FER: variants seen among roughly 807,000 people sequenced by gnomAD.
FER encodes the protein tyrosine-protein kinase Fer.
Under a neutral mutation model 111.0 loss-of-function variants are expected in FER, and 63 were observed. The observed-to-expected ratio is 0.57, with a 90% CI of 0.46 to 0.70. The LOEUF is 0.70. Among genes scored for constraint, FER ranks in the 30% least tolerant of loss-of-function variants. The pLI is 0.00. For synonymous variants in FER, 327 were observed against 313.9 expected (o/e 1.04, Z -0.44); for missense variants, 914 against 954.0 (o/e 0.96, Z 0.55).
At chr5:108,901,238 C>CT (rs972353204) in intron 10 of FER, among the ~76,000 whole-genome samples, 14 of 149,112 alleles carry the variant, frequency 9.4e-5, no homozygotes, top group South Asian at 4.3e-4. Context: ...GAATTTCTTT[C>CT]TTTTTTTTTT....
At chr5:109,178,275 C>A (rs1393222664) in intron 17 of FER, among the ~76,000 whole-genome samples, 1 of 152,150 alleles carries the variant, frequency 6.6e-6, no homozygotes, top group Non-Finnish European at 1.5e-5. Flanking sequence ...AAGGAAGTAG[C>A]ATTTTCTGTA....
At chr5:109,036,881 A>G (rs1770482775) in intron 13 of FER, among the ~76,000 whole-genome samples, 1 of 151,972 alleles carries the variant, frequency 6.6e-6, no homozygotes, top group African/African-American at 2.4e-5. Flanking sequence ...TGATATTGTA[A>G]TTGGTGTTTG....
intron 13 of FER, among the ~76,000 whole-genome samples, chr5:108,962,295 C>G (rs1759249189): frequency 6.6e-6 from 1 of 152,162 alleles, no homozygotes; most frequent in Non-Finnish European, 1.5e-5. Flanking sequence ...CCGTTATCAT[C>G]ATTCTTACAT....
intron 10 of FER, among the ~76,000 whole-genome samples, chr5:108,910,333 C>G (rs574062407): frequency 5.3e-5 from 8 of 152,278 alleles, no homozygotes; most frequent in African/African-American, 1.9e-4. Flanking sequence ...AATTTCACAT[C>G]AGCCAGTCTG....
At chr5:109,183,344 G>T (rs1464635472) in intron 18 of FER, among the ~76,000 whole-genome samples, 1 of 148,308 alleles carries the variant, frequency 6.7e-6, no homozygotes, top group African/African-American at 2.5e-5. Context: ...TGCCTCCTGG[G>T]TTCAAGCAAT....
chr5:109,149,371 G>A lies in FER; in HGVS notation c.2049-31376G>A, dbSNP rs115764537. On this transcript the variant is annotated intron_variant, in intron 17 of 19. Transcript: ENST00000281092. ...TGAGACACCCTAAACTTCTCTGAGC[G>A]CCTACAGTCTGATCCCTTAGACCAG... Among the ~76,000 whole-genome samples the A allele has an allele frequency of 8.5e-3, 1,290 of 152,222 alleles. 15 individuals are homozygous for A. The highest frequency in any genetic ancestry group is 0.011 in the Non-Finnish European group (743 of 67,996).
At chr5:108,918,499 T>A (rs1417682696) in intron 10 of FER, among the ~76,000 whole-genome samples, 2 of 151,596 alleles carry the variant, frequency 1.3e-5, no homozygotes, top group Non-Finnish European at 2.9e-5. Context: ...TCTTTTTTTT[T>A]TTTTTGAGAT....
At chr5:109,178,491 C>T (rs773854378) in intron 17 of FER, among the ~76,000 whole-genome samples, 2 of 152,192 alleles carry the variant, frequency 1.3e-5, no homozygotes, top group African/African-American at 4.8e-5. Flanking sequence ...ATCCTATACA[C>T]GACTAAAGTG....
At chr5:109,080,582 G>A (rs1310969690) in intron 16 of FER, among the ~76,000 whole-genome samples, 1 of 152,004 alleles carries the variant, frequency 6.6e-6, no homozygotes, top group African/African-American at 2.4e-5. Context: ...AAGTTCTCTG[G>A]CAATCTGTAA....
At chr5:108,940,955 C>T (rs1379947456) in intron 10 of FER, among the ~76,000 whole-genome samples, 1 of 151,974 alleles carries the variant, frequency 6.6e-6, no homozygotes, top group Non-Finnish European at 1.5e-5. Flanking sequence ...GGGCAATGGC[C>T]CTTCAAAGAC....
At chr5:109,051,712 G>C (rs1772856656) in intron 16 of FER, 1 of 1,569,426 alleles carries the variant, frequency 6.4e-7, no homozygotes, top group Admixed American at 1.7e-5. Flanking sequence ...CGGGCCAGTG[G>C]TCGCATGGTA....
At chr5:109,069,236 A>G (rs1239186134) in intron 16 of FER, among the ~76,000 whole-genome samples, 3 of 152,208 alleles carry the variant, frequency 2.0e-5, no homozygotes, top group Admixed American at 2.0e-4. Context: ...AAATGTAGAA[A>G]GGAATGTGTT....
At chr5:109,176,830 C>T (rs1001648687) in intron 17 of FER, among the ~76,000 whole-genome samples, 2 of 152,164 alleles carry the variant, frequency 1.3e-5, no homozygotes, top group Non-Finnish European at 2.9e-5. Context: ...GTAAATAAAT[C>T]TGCCAAGGAG....
chr5:109,004,738 A>T (rs1469571984), intron 13 of FER, among the ~76,000 whole-genome samples: 2 of 152,200 alleles, frequency 1.3e-5, no homozygotes, highest in African/African-American at 4.8e-5. Context: ...CTACTGTTAT[A>T]GTAACAAAAA....
intron 17 of FER, among the ~76,000 whole-genome samples, chr5:109,178,261 C>CTACTT (rs1757920407): frequency 6.6e-6 from 1 of 152,104 alleles, no homozygotes; most frequent in Non-Finnish European, 1.5e-5. Flanking sequence ...CTTAATGCAG[C>CTACTT]CCAAAGGAAG....
At chr5:109,064,014 T>C (rs1025892747) in intron 16 of FER, among the ~76,000 whole-genome samples, 1 of 152,214 alleles carries the variant, frequency 6.6e-6, no homozygotes, top group African/African-American at 2.4e-5. Context: ...ATATGTTTGA[T>C]ATAATGTATT....
chr5:109,174,039 A>G (rs1432718719), intron 17 of FER, among the ~76,000 whole-genome samples: 1 of 152,196 alleles, frequency 6.6e-6, no homozygotes, highest in African/African-American at 2.4e-5. Context: ...TCAAAGAGAG[A>G]GAACAGACAC....
At chr5:109,013,057 CT>C (rs202223340) in intron 13 of FER, among the ~76,000 whole-genome samples, 9,720 of 136,358 alleles carry the variant, frequency 0.071, 398 homozygotes, top group South Asian at 0.14. Context: ...ATTGCTTTTG[CT>C]TTTTTTTTTT....
At chr5:109,016,909 T>C (rs1767216357) in intron 13 of FER, among the ~76,000 whole-genome samples, 1 of 151,944 alleles carries the variant, frequency 6.6e-6, no homozygotes, top group African/African-American at 2.4e-5. Flanking sequence ...TTTGTGGTCT[T>C]ATAAGAGGAA....
Sources: gnomAD v4.1 joint callset for allele counts (sites outside exome capture counted in the v4.1 genomes callset) on GRCh38, gnomAD v4.1.1 for gene constraint, MANE v1.5 for transcripts, NCBI Gene and HGNC (gene_info 2026-07-23, HGNC 2026-07-21) for gene names.